Variants in HDAC4 observed in about 807,000 individuals in gnomAD.
HDAC4 encodes the protein histone deacetylase 4.
HDAC4 carries 16 observed loss-of-function variants against 135.1 expected under a neutral mutation model. The observed-to-expected ratio is 0.12, with a 90% CI of 0.08 to 0.18. The LOEUF (loss-of-function observed/expected upper bound fraction) is 0.18, where lower values mean the gene tolerates loss of function less well. Ranked by LOEUF, HDAC4 falls within the 10% of genes least tolerant of loss-of-function variation. The pLI, the probability that HDAC4 is intolerant of heterozygous loss-of-function variation, is 1.00. For missense variants in HDAC4, 1,143 were observed against 1,511.8 expected, an observed-to-expected ratio of 0.76 and a Z score of 4.05; for synonymous variants, 685 against 653.4, an observed-to-expected ratio of 1.05 and a Z score of -0.74.
rs528640830 is a variant in HDAC4, at chr2:239,301,035, T to C, written c.22+51643A>G. 3.9e-5 allele frequency among the ~76,000 whole-genome samples: 6 copies of C among 152,334 alleles called. No homozygotes were observed. In the East Asian group the frequency reaches 1.2e-3, roughly 29 times the overall value. ...CCCCTCCTCCGGGCTCCAAGAGCAC[T>C]GCTCATTCCTCCTGCTGCTGCTGCT... On this transcript the variant is annotated intron_variant, in intron 2 of 26. Coordinates refer to ENST00000543185, the MANE Select transcript of HDAC4 (RefSeq NM_001378414.1).
At chr2:239,082,740 C>G (rs1311608213) in intron 20 of HDAC4, among the ~76,000 whole-genome samples, 1 of 152,260 alleles carries the variant, frequency 6.6e-6, no homozygotes. Context: ...CAGGCACACA[C>G]AGTACGGGGT....
intron 16 of HDAC4, among the ~76,000 whole-genome samples, chr2:239,095,598 C>A (rs1389507565): frequency 6.6e-6 from 1 of 152,152 alleles, no homozygotes; most frequent in Admixed American, 6.5e-5. Context: ...ACAGGCGGAG[C>A]GTGTACAGCT....
rs1272231689 is a variant in HDAC4 at position 239,121,382 on chromosome 2, T to TG, written c.1533+5073dup. Reference sequence around the variant, plus strand: ...CATAGCGGGGGTCAGCCTCTCTTCCTGGGGGGCTGTTTCAGGGGCCCCAAG... The same window carrying TG: ...CATAGCGGGGGTCAGCCTCTCTTCCTGGGGGGGCTGTTTCAGGGGCCCCAAG... On this transcript the variant is annotated intron_variant, in intron 12 of 26. Transcript: ENST00000543185. Among the ~76,000 whole-genome samples the TG allele has an allele frequency of 3.9e-5, 6 of 152,250 alleles. No individual in the cohort carries two copies. In the South Asian group the frequency reaches 1.0e-3, roughly 26 times the overall value.
intron 12 of HDAC4, among the ~76,000 whole-genome samples, chr2:239,116,811 G>A (rs890342294): frequency 2.0e-5 from 3 of 152,132 alleles, no homozygotes; most frequent in Admixed American, 1.3e-4. Flanking sequence ...CCTCCAGCCC[G>A]CTGCTTGCCT....
At position 239,236,614 on chromosome 2, in the gene HDAC4, C is replaced by G. The variant is rs1210413544; in HGVS notation, c.73G>C (p.Val25Leu). The G allele has an allele frequency of 1.3e-6, 2 of 1,551,608 alleles. No individual in the cohort carries two copies. The highest frequency in any genetic ancestry group is 1.2e-5 in the South Asian group (1 of 84,064). ...QPVELLNPARVNHMPSTVDVA... is the reference protein window; with the variant it reads ...QPVELLNPARLNHMPSTVDVA... ...TTACCCGTGCTGGGCATGTGGTTCA[C>G]GCGGGCAGGATTCAGCAGCTCCACT... Residue 25 changes from valine (V) to leucine (L), a missense_variant, in exon 3 of 27, where the codon GTG becomes CTG. Around this residue, in one of 9 missense-constraint regions of HDAC4, gnomAD observed 247 missense variants for 310.0 expected, o/e 0.80. Coordinates refer to ENST00000543185, the MANE Select transcript of HDAC4 (RefSeq NM_001378414.1).
chr2:239,322,784 CG>C (rs1039736846), intron 2 of HDAC4, among the ~76,000 whole-genome samples: 9 of 152,232 alleles, frequency 5.9e-5, no homozygotes, highest in Middle Eastern at 3.4e-3. Flanking sequence ...GTCTGTCACT[CG>C]GCCCCACACC....
At chr2:239,361,761 C>T (rs1408824040) in intron 1 of HDAC4, among the ~76,000 whole-genome samples, 1 of 152,200 alleles carries the variant, frequency 6.6e-6, no homozygotes, top group Non-Finnish European at 1.5e-5. Flanking sequence ...GGTGGTGTGT[C>T]TTTGAACAAC....
intron 2 of HDAC4, among the ~76,000 whole-genome samples, chr2:239,249,753 T>G (rs2048675575): frequency 6.6e-6 from 1 of 151,056 alleles, no homozygotes; most frequent in South Asian, 2.1e-4. Flanking sequence ...AAATATTTAT[T>G]CATTCCTTTA....
At chr2:239,228,724 G>A (rs2047380393) in intron 3 of HDAC4, among the ~76,000 whole-genome samples, 1 of 152,140 alleles carries the variant, frequency 6.6e-6, no homozygotes, top group Non-Finnish European at 1.5e-5. Flanking sequence ...ATTCTTAAGA[G>A]GTAATATGCC....
chr2:239,240,944 C>T lies in HDAC4; in HGVS notation c.23-4280G>A, dbSNP rs1422333875. Among the ~76,000 whole-genome samples, 1 of 151,982 alleles carries T rather than the reference C, an allele frequency of 6.6e-6. No homozygotes were observed. The highest frequency in any genetic ancestry group is 1.5e-5 in the Non-Finnish European group (1 of 68,004). ...CATCAGACGGGTAGGTATGTCTAAC[C>T]AGAAACCCGGCCTTCTGGAGCCAAA... On this transcript the variant is annotated intron_variant, in intron 2 of 26. Coordinates refer to ENST00000543185, the MANE Select transcript of HDAC4 (RefSeq NM_001378414.1). The surrounding 1 kb of genome is among the most constrained non-coding windows in gnomAD (Gnocchi z 4.5).
intron 4 of HDAC4, among the ~76,000 whole-genome samples, chr2:239,184,458 A>G (rs1378883534): frequency 0.018 from 559 of 31,704 alleles, no homozygotes; most frequent in African/African-American, 0.026. Context: ...GTGCCCTATG[A>G]GGGGGGGTCC....
At chr2:239,084,107 CGGCA>C in intron 20 of HDAC4, 44 bp downstream of exon 20, 2 of 1,380,162 alleles carry the variant, frequency 1.4e-6, no homozygotes, top group Middle Eastern at 1.8e-4. Flanking sequence ...CGCTCGGGGA[CGGCA>C]AAGGAGCAAC....
chr2:239,121,546 G>A (rs573557649), intron 12 of HDAC4, among the ~76,000 whole-genome samples: 5 of 152,352 alleles, frequency 3.3e-5, no homozygotes, highest in South Asian at 2.1e-4. Context: ...GCCAGGGGCC[G>A]CATCTCTTTA....
At chr2:239,185,232 G>GT (rs1244793484) in intron 4 of HDAC4, among the ~76,000 whole-genome samples, 1 of 151,498 alleles carries the variant, frequency 6.6e-6, no homozygotes, top group Non-Finnish European at 1.5e-5. Context: ...GGGTTGCCCT[G>GT]TATCTCCTGG....
chr2:239,361,232 G>A (rs1693847206), intron 1 of HDAC4, among the ~76,000 whole-genome samples: 1 of 152,182 alleles, frequency 6.6e-6, no homozygotes. Context: ...ACTGTGAACT[G>A]AATGAACGTT....
chr2:239,189,282 C>A lies in HDAC4; in HGVS notation c.339+551G>T, dbSNP rs905619450. 7.8e-4 allele frequency among the ~76,000 whole-genome samples: 119 copies of A among 152,256 alleles called. 1 individual carries two copies. Among genetic ancestry groups the A allele is most frequent in the African/African-American group, 2.4e-3 (99 of 41,524 alleles). ...ATAACTTTGCTACATATCACTAGTA[C>A]ATATTTCCAATTGATTTAATTTTAA... is the stretch of plus-strand genomic sequence containing the variant. On this transcript the variant is annotated intron_variant, in intron 4 of 26. Transcript: ENST00000543185.
chr2:239,380,845 G>A (rs1031474587), intron 1 of HDAC4, among the ~76,000 whole-genome samples: 13 of 152,078 alleles, frequency 8.5e-5, no homozygotes, highest in East Asian at 5.8e-4. Context: ...ATCTCCACTC[G>A]GCCTTCACGT....
upstream of HDAC4, among the ~76,000 whole-genome samples, chr2:239,401,215 G>A (rs1448672936): frequency 1.4e-5 from 2 of 142,530 alleles, no homozygotes; most frequent in African/African-American, 5.0e-5. Context: ...GCGCCTGGCC[G>A]GCCTTCCATT....
In HDAC4 at chr2:239,139,212, C is replaced by T. The variant is rs979415308; in HGVS notation, c.978+472G>A. Among the ~76,000 whole-genome samples the T allele has an allele frequency of 1.3e-4, 20 of 152,180 alleles. No homozygotes were observed. The highest frequency in any genetic ancestry group is 2.4e-4 in the Non-Finnish European group (16 of 68,040). ...CGGCCCTGACACATAGTTTGTTGGCCGACATCGTGTTGTGTATTTCTCAAT... is the reference window on the plus strand; with the variant it reads ...CGGCCCTGACACATAGTTTGTTGGCTGACATCGTGTTGTGTATTTCTCAAT... On this transcript the variant is annotated intron_variant, in intron 9 of 26. Coordinates refer to ENST00000543185, the MANE Select transcript of HDAC4 (RefSeq NM_001378414.1). This position sits in a 1 kb window ranked among gnomAD's most constrained non-coding sequence, Gnocchi z 5.3.
Sources: allele counts gnomAD v4.1 joint callset (sites outside exome capture counted in the v4.1 genomes callset), GRCh38; gene constraint gnomAD v4.1.1; regional missense constraint gnomAD v4.1.1; non-coding constraint Gnocchi (gnomAD v3.1); transcripts MANE v1.5; gene names NCBI Gene and HGNC (gene_info 2026-07-23, HGNC 2026-07-21).